Variants in MARCHF4 observed in about 807,000 individuals in gnomAD.
The protein encoded by MARCHF4 is membrane associated ring-CH-type finger 4.
In MARCHF4, 14 loss-of-function variants were observed where a neutral mutation model predicts 43.9. The observed-to-expected ratio is 0.32, with a 90% CI of 0.21 to 0.50. MARCHF4 has a LOEUF of 0.50. Among genes scored for constraint, MARCHF4 ranks in the 20% least tolerant of loss-of-function variants. The probability of loss-of-function intolerance (pLI) is 0.98; values close to 1 mark genes in which losing one functional copy is unlikely to be tolerated. For missense variants in MARCHF4, 468 were observed against 536.7 expected, an observed-to-expected ratio of 0.87 and a Z score of 1.27; for synonymous variants, 226 against 213.3, an observed-to-expected ratio of 1.06 and a Z score of -0.52.
rs747734983 is a variant in MARCHF4 at position 216,320,675 on chromosome 2, C to CTTTCT, written c.517-36947_517-36946insAGAAA. Among the ~76,000 whole-genome samples the CTTTCT allele has an allele frequency of 4.4e-3, 146 of 33,072 alleles. 2 individuals carry two copies. Among genetic ancestry groups the CTTTCT allele is most frequent in the East Asian group, 0.011 (14 of 1,268 alleles). 21.7% of individuals were successfully genotyped at this position (33,072 alleles called of 152,430 possible). Reference sequence around the variant, plus strand: ...TCTTTCTTTCTTTCTTTCTTTCTTTCTTTTTTTTTTTTTGAGATGGAGTCC... The same window carrying CTTTCT: ...TCTTTCTTTCTTTCTTTCTTTCTTTCTTTCTTTTTTTTTTTTTTGAGATGGAGTCC... On this transcript the variant is annotated intron_variant, in intron 1 of 3. Coordinates refer to ENST00000273067, the MANE Select transcript of MARCHF4 (RefSeq NM_020814.3).
intron 2 of MARCHF4, among the ~76,000 whole-genome samples, chr2:216,280,892 C>T (rs543777035): frequency 1.3e-5 from 2 of 152,042 alleles, no homozygotes; most frequent in Admixed American, 1.3e-4. Context: ...AATTGCAATT[C>T]ACATGTAACA....
chr2:216,341,778 G>T (rs1692241200), intron 1 of MARCHF4, among the ~76,000 whole-genome samples: 3 of 152,134 alleles, frequency 2.0e-5, no homozygotes, highest in African/African-American at 7.2e-5. Flanking sequence ...TCCCCTACTG[G>T]GCTGGGAATT....
intron 1 of MARCHF4, among the ~76,000 whole-genome samples, chr2:216,360,591 C>A (rs182533574): frequency 6.6e-6 from 1 of 151,912 alleles, no homozygotes; most frequent in Non-Finnish European, 1.5e-5. Flanking sequence ...GCCGGGAGAT[C>A]GGGAGTGGAA....
At chr2:216,318,158 T>G (rs1326899715) in intron 1 of MARCHF4, 4 of 152,228 alleles carry the variant, frequency 2.6e-5, no homozygotes, top group Non-Finnish European at 4.4e-5. Context: ...GGTTAGTGCC[T>G]CGATCTAAGT....
intron 3 of MARCHF4, among the ~76,000 whole-genome samples, chr2:216,273,099 C>A (rs1338967156): frequency 6.6e-6 from 1 of 152,224 alleles, no homozygotes; most frequent in Non-Finnish European, 1.5e-5. Context: ...CTCCTGGGTT[C>A]CTGGCAGGGC....
At position 216,372,320 on chromosome 2, in the gene MARCHF4, C is replaced by A. The variant is rs1559110632; in HGVS notation, c.-2060G>T. On this transcript the variant is annotated 5_prime_UTR_variant, in exon 1 of 4. Coordinates refer to ENST00000273067, the MANE Select transcript of MARCHF4 (RefSeq NM_020814.3). ...TCTCCGCCGCCGGCGCCGCGGCCGC[C>A]GCTGCTGCATTCAGCACCCCGGGCG... 6.6e-6 allele frequency among the ~76,000 whole-genome samples: 1 copy of A among 152,174 alleles called. No homozygotes were observed. Among genetic ancestry groups the A allele is most frequent in the Admixed American group, 6.5e-5 (1 of 15,290 alleles).
At chr2:216,306,982 A>T (rs112742594) in intron 1 of MARCHF4, among the ~76,000 whole-genome samples, 1 of 148,828 alleles carries the variant, frequency 6.7e-6, no homozygotes, top group African/African-American at 2.6e-5. Context: ...TCTCTCTCAC[A>T]CACACACACA....
intron 1 of MARCHF4, among the ~76,000 whole-genome samples, chr2:216,304,716 G>A (rs1413782415): frequency 1.3e-5 from 2 of 152,198 alleles, no homozygotes; most frequent in Non-Finnish European, 2.9e-5. Flanking sequence ...TTCATAGGGA[G>A]GCTGAGGTGG....
intron 1 of MARCHF4, among the ~76,000 whole-genome samples, chr2:216,339,055 G>A (rs1692199382): frequency 6.6e-6 from 1 of 152,158 alleles, no homozygotes; most frequent in Non-Finnish European, 1.5e-5. Flanking sequence ...AAAGGAGCGG[G>A]GAGATGGGAG....
At chr2:216,274,362 A>G (rs1040942990) in intron 3 of MARCHF4, among the ~76,000 whole-genome samples, 47 of 152,172 alleles carry the variant, frequency 3.1e-4, no homozygotes, top group Non-Finnish European at 6.8e-4. Context: ...GGAAGTCCCC[A>G]TGAGTCAGAA....
intron 1 of MARCHF4, among the ~76,000 whole-genome samples, chr2:216,367,529 A>G (rs1692685508): frequency 1.3e-5 from 2 of 152,216 alleles, no homozygotes; most frequent in Admixed American, 6.5e-5. Flanking sequence ...TTACTACTAT[A>G]ACACAATCCC....
chr2:216,285,648 A>C (rs907005608), intron 1 of MARCHF4, among the ~76,000 whole-genome samples: 2 of 152,166 alleles, frequency 1.3e-5, no homozygotes, highest in Non-Finnish European at 2.9e-5. Flanking sequence ...GAGGCTGGAG[A>C]TGCCCACGTT....
At chr2:216,355,829 T>C (rs1157322811) in intron 1 of MARCHF4, among the ~76,000 whole-genome samples, 4 of 152,214 alleles carry the variant, frequency 2.6e-5, no homozygotes, top group Non-Finnish European at 5.9e-5. Context: ...CCTTTTTTCT[T>C]CTGTGTTAAA....
rs924750848 is a variant in MARCHF4 at position 216,372,405 on chromosome 2, C to G, written c.-2145G>C. On this transcript the variant is annotated 5_prime_UTR_variant, in exon 1 of 4. Transcript: ENST00000273067. ...GCTCGTGGGGGCCTGACGCAGACGC[C>G]GCGGAGGGATGGAGGAGGGAAAGGG... Among the ~76,000 whole-genome samples, 1 of 151,714 alleles carries G rather than the reference C, an allele frequency of 6.6e-6. No individual in the cohort carries two copies. Among genetic ancestry groups the G allele is most frequent in the Non-Finnish European group, 1.5e-5 (1 of 67,974 alleles).
chr2:216,316,200 C>T (rs1476174496), intron 1 of MARCHF4, among the ~76,000 whole-genome samples: 1 of 152,220 alleles, frequency 6.6e-6, no homozygotes, highest in Non-Finnish European at 1.5e-5. Context: ...TAAGGGCAGT[C>T]CTTCCGCCTT....
intron 1 of MARCHF4, among the ~76,000 whole-genome samples, chr2:216,367,112 T>C (rs566944049): frequency 2.0e-5 from 3 of 152,242 alleles, no homozygotes; most frequent in African/African-American, 7.2e-5. Flanking sequence ...TAGTAAATGA[T>C]TGGGGTGATG....
intron 1 of MARCHF4, among the ~76,000 whole-genome samples, chr2:216,296,994 A>T (rs1344170418): frequency 1.3e-5 from 2 of 152,098 alleles, no homozygotes; most frequent in Non-Finnish European, 2.9e-5. Context: ...TCTGCTGGAA[A>T]CCTGGCCCAG....
intron 1 of MARCHF4, among the ~76,000 whole-genome samples, chr2:216,345,730 G>A (rs1373931583): frequency 6.6e-6 from 1 of 152,156 alleles, no homozygotes; most frequent in Non-Finnish European, 1.5e-5. Context: ...GTACCTGCAT[G>A]AGCCTGGATT....
Position 216,357,617 on chromosome 2 carries a change from A to G in MARCHF4, c.516+12128T>C, listed in dbSNP as rs139101241. Among the ~76,000 whole-genome samples, 6 of 152,354 alleles carry G rather than the reference A, an allele frequency of 3.9e-5. No homozygotes were observed. The East Asian group carries it at 1.2e-3, about 29-fold the overall frequency. ...ATTAAAGGCATGAGCCACCATGTCC[A>G]GCCTTCATTCTATATCTTTCGTGAT... On this transcript the variant is annotated intron_variant, in intron 1 of 3. Coordinates refer to ENST00000273067, the MANE Select transcript of MARCHF4 (RefSeq NM_020814.3).
Sources: allele counts gnomAD v4.1 joint callset (sites outside exome capture counted in the v4.1 genomes callset), GRCh38; gene constraint gnomAD v4.1.1; transcripts MANE v1.5; gene names NCBI Gene and HGNC (gene_info 2026-07-23, HGNC 2026-07-21).